The following CAST variants were observed in gnomAD, a reference collection of about 807,000 sequenced individuals.
CAST encodes MIR583 host.
A neutral mutation model predicts 119.6 loss-of-function variants in CAST; 76 were observed. The observed-to-expected ratio is 0.64, with a 90% CI of 0.53 to 0.77. CAST has a LOEUF of 0.77. Ranked by LOEUF, CAST falls within the 30% of genes least tolerant of loss-of-function variation. The pLI is 0.00. For synonymous variants in CAST, 319 were observed against 331.6 expected (o/e 0.96, Z 0.41); for missense variants, 953 against 946.5 (o/e 1.01, Z -0.09).
the CAST span, among the ~76,000 whole-genome samples, chr5:96,008,165 T>C: frequency 3.9e-5 from 6 of 152,204 alleles, no homozygotes; most frequent in Non-Finnish European, 8.8e-5. Flanking sequence ...TATAGCAACC[T>C]GAGCTAAGAT....
the CAST span, among the ~76,000 whole-genome samples, chr5:96,462,782 T>C: frequency 6.6e-6 from 1 of 152,074 alleles, no homozygotes; most frequent in Non-Finnish European, 1.5e-5. Flanking sequence ...GATTGGATCA[T>C]GGGGGCAGTT....
At chr5:95,975,764 A>G in the CAST span, among the ~76,000 whole-genome samples, 1 of 152,182 alleles carries the variant, frequency 6.6e-6, no homozygotes, top group Non-Finnish European at 1.5e-5. Context: ...CACAGATGGT[A>G]TTAGATAAGG....
the CAST span, among the ~76,000 whole-genome samples, chr5:96,201,167 AT>A: frequency 6.6e-6 from 1 of 152,152 alleles, no homozygotes; most frequent in Non-Finnish European, 1.5e-5. Context: ...AATAAAAATA[AT>A]TTTAAAAGCT....
chr5:96,515,574 G>C, the CAST span, among the ~76,000 whole-genome samples: 1 of 152,034 alleles, frequency 6.6e-6, no homozygotes. Flanking sequence ...CAGCCTCAGT[G>C]CCAGTAATAT....
chr5:96,169,977 C>T, the CAST span, among the ~76,000 whole-genome samples: 11 of 152,192 alleles, frequency 7.2e-5, no homozygotes, highest in African/African-American at 2.4e-4. Context: ...CGTCAATACC[C>T]ACAACAGTTA....
At chr5:96,501,285 C>T in the CAST span, among the ~76,000 whole-genome samples, 1 of 152,112 alleles carries the variant, frequency 6.6e-6, no homozygotes, top group African/African-American at 2.4e-5. Flanking sequence ...ATGGGCTAAA[C>T]TCTTCATTTA....
chr5:96,105,540 T>C, the CAST span, among the ~76,000 whole-genome samples: 1 of 152,204 alleles, frequency 6.6e-6, no homozygotes, highest in South Asian at 2.1e-4. Flanking sequence ...ATTACATTTA[T>C]TGATTTGCGT....
At chr5:96,439,760 C>T in the CAST span, among the ~76,000 whole-genome samples, 5 of 152,130 alleles carry the variant, frequency 3.3e-5, no homozygotes, top group Admixed American at 3.3e-4. Context: ...CCTAACTTCC[C>T]CTTTGTTTCT....
chr5:96,672,957 G>A (rs902669300), intron 1 of CAST, among the ~76,000 whole-genome samples: 14 of 152,080 alleles, frequency 9.2e-5, no homozygotes, highest in African/African-American at 3.4e-4. Context: ...TTACTGTGGG[G>A]TAATAAATTA....
the CAST span, among the ~76,000 whole-genome samples, chr5:96,161,945 AT>A: frequency 6.6e-6 from 1 of 152,114 alleles, no homozygotes; most frequent in South Asian, 2.1e-4. Flanking sequence ...AATACGATTG[AT>A]TTTTGTGTAT....
the CAST span, among the ~76,000 whole-genome samples, chr5:96,180,084 A>G: frequency 1.3e-5 from 2 of 152,112 alleles, no homozygotes; most frequent in Non-Finnish European, 2.9e-5. Context: ...CTGTGGCATG[A>G]GACATGTTCA....
At chr5:96,102,225 G>A in the CAST span, among the ~76,000 whole-genome samples, 1 of 152,252 alleles carries the variant, frequency 6.6e-6, no homozygotes, top group South Asian at 2.1e-4. Context: ...GAGGATGGTG[G>A]AGGCAGAGAA....
chr5:96,769,379 A>C lies in CAST; in HGVS notation c.2269-1152A>C, dbSNP rs542453859. ...GTTCATTTCTCTCCCATAACACTGA[A>C]AACAGGGTTTTTTTTTGTTTTTTTT... is the stretch of plus-strand genomic sequence containing the variant. On this transcript the variant is annotated intron_variant, in intron 29 of 31. Transcript: ENST00000675179. 1.2e-4 allele frequency: 18 copies of C among 148,910 alleles called. No homozygotes were observed. In the South Asian group the frequency reaches 3.9e-3, roughly 32 times the overall value. 9.2% of individuals were successfully genotyped at this position (148,910 alleles called of 1,614,324 possible). A position where few individuals can be genotyped will look rare whatever the true frequency, so the allele number is the denominator to read the frequency against.
At chr5:96,498,345 G>T in the CAST span, among the ~76,000 whole-genome samples, 1 of 152,186 alleles carries the variant, frequency 6.6e-6, no homozygotes, top group Non-Finnish European at 1.5e-5. Flanking sequence ...GGCAATGTGG[G>T]CTCTTTTTTG....
At chr5:96,087,784 TA>T in the CAST span, among the ~76,000 whole-genome samples, 1 of 152,168 alleles carries the variant, frequency 6.6e-6, no homozygotes, top group African/African-American at 2.4e-5. Flanking sequence ...TATATATAGC[TA>T]ACAGGATGTA....
At chr5:96,169,024 A>T in the CAST span, among the ~76,000 whole-genome samples, 1 of 152,162 alleles carries the variant, frequency 6.6e-6, no homozygotes, top group Non-Finnish European at 1.5e-5. Context: ...TGTTTGCATA[A>T]AAAGGCTACA....
rs115780920 is a variant in CAST, at chr5:96,724,481, C to G, written c.270+1783C>G. 6.6e-3 allele frequency among the ~76,000 whole-genome samples: 997 copies of G among 152,212 alleles called. 17 individuals carry two copies. Among genetic ancestry groups the G allele is most frequent in the African/African-American group, 0.023 (963 of 41,508 alleles). ...TACAGGCATGAGCCACTGTGTCCAGCCTAAAATTAAAAATCCTAATTTTAA... is the reference window on the plus strand; with the variant it reads ...TACAGGCATGAGCCACTGTGTCCAGGCTAAAATTAAAAATCCTAATTTTAA... On this transcript the variant is annotated intron_variant, in intron 4 of 31. Coordinates refer to ENST00000675179, the MANE Select transcript of CAST (RefSeq NM_001750.7).
the CAST span, among the ~76,000 whole-genome samples, chr5:96,367,467 T>A: frequency 6.6e-6 from 1 of 151,180 alleles, no homozygotes; most frequent in Non-Finnish European, 1.5e-5. Context: ...TGCAGCGGGT[T>A]CCACCCAGTT....
the CAST span, among the ~76,000 whole-genome samples, chr5:96,300,719 A>G: frequency 6.6e-6 from 1 of 151,738 alleles, no homozygotes; most frequent in Non-Finnish European, 1.5e-5. Flanking sequence ...AATTCTTTCT[A>G]TCCATGAACG....
Sources: gnomAD v4.1 joint callset for allele counts (sites outside exome capture counted in the v4.1 genomes callset) on GRCh38, gnomAD v4.1.1 for gene constraint, MANE v1.5 for transcripts, NCBI Gene and HGNC (gene_info 2026-07-23, HGNC 2026-07-21) for gene names.